Variants in AGXT2 observed in about 807,000 individuals in gnomAD.
AGXT2 encodes the protein alanine--glyoxylate aminotransferase 2, mitochondrial.
Under a neutral mutation model 62.5 loss-of-function variants are expected in AGXT2, and 61 were observed. The ratio of observed to expected loss-of-function variants is 0.98; its 90% CI spans 0.79 to 1.21. The LOEUF is 1.21. Ranked by LOEUF, AGXT2 falls within the 50% of genes most tolerant of loss-of-function variation. The pLI is 0.00. For synonymous variants in AGXT2, 243 were observed against 218.7 expected, an observed-to-expected ratio of 1.11 and a Z score of -0.98; for missense variants, 666 against 641.5, an observed-to-expected ratio of 1.04 and a Z score of -0.41.
At chr5:35,015,594 A>G (rs1305974774) in intron 9 of AGXT2, among the ~76,000 whole-genome samples, 1 of 152,126 alleles carries the variant, frequency 6.6e-6, no homozygotes, top group African/African-American at 2.4e-5. Context: ...TCATGCCTGT[A>G]ATCTCAGCAC....
chr5:35,003,209 C>T (rs935138663), intron 13 of AGXT2, among the ~76,000 whole-genome samples: 2 of 152,142 alleles, frequency 1.3e-5, no homozygotes, highest in African/African-American at 4.8e-5. Context: ...GACACTGGCT[C>T]TGGCTGATTT....
At chr5:35,028,616 AGAG>A (rs1767456109) in intron 7 of AGXT2, among the ~76,000 whole-genome samples, 1 of 40,882 alleles carries the variant, frequency 2.4e-5, no homozygotes, top group Non-Finnish European at 5.0e-5. Context: ...AGAGAGAGAG[AGAG>A]AAATTCTTCT....
intron 9 of AGXT2, among the ~76,000 whole-genome samples, chr5:35,015,849 C>CAAAAA (rs557021858): frequency 5.9e-4 from 41 of 69,482 alleles, no homozygotes; most frequent in African/African-American, 2.3e-3. Flanking sequence ...GACTCCATCT[C>CAAAAA]AAAAAAAAAA....
chr5:35,003,482 CCT>C (rs371759849), intron 13 of AGXT2, among the ~76,000 whole-genome samples: 15 of 152,276 alleles, frequency 9.9e-5, no homozygotes, highest in African/African-American at 2.4e-4. Context: ...CTTTGACCAT[CCT>C]CTGTCTGCCT....
At chr5:35,012,700 A>G (rs1323385572) in intron 11 of AGXT2, 12 of 478,832 alleles carry the variant, frequency 2.5e-5, no homozygotes, top group Admixed American at 1.0e-4. Flanking sequence ...TCAGCTGGCT[A>G]GGAAAATTCT....
At chr5:35,026,122 C>T (rs1580595069) in intron 8 of AGXT2, 3 of 593,602 alleles carry the variant, frequency 5.1e-6, no homozygotes, top group African/African-American at 1.9e-5. Context: ...AGAAAGAGTT[C>T]TTTGGACAAT....
chr5:35,040,339 ACTTT>A (rs1019539971), intron 2 of AGXT2, among the ~76,000 whole-genome samples: 2 of 152,142 alleles, frequency 1.3e-5, no homozygotes, highest in African/African-American at 4.8e-5. Flanking sequence ...TGCTTCTTGT[ACTTT>A]CTTTGCCTCT....
At chr5:35,017,032 A>G (rs1288494090) in intron 9 of AGXT2, among the ~76,000 whole-genome samples, 1 of 152,224 alleles carries the variant, frequency 6.6e-6, no homozygotes, top group African/African-American at 2.4e-5. Context: ...ACTTTAATCC[A>G]GATTCCACAT....
At position 34,998,614 on chromosome 5, in the gene AGXT2, T is replaced by A; in HGVS notation, c.*105A>T. On this transcript the variant is annotated 3_prime_UTR_variant, in exon 14 of 14. Transcript: ENST00000231420. ...GACTTTTACAGCTCCTGTGGAGAGC[T>A]GCAGGCTTTCTCTGGATACCAGTGG... The A allele has an allele frequency of 1.1e-6, 1 of 894,752 alleles. No individual in the cohort carries two copies. Among genetic ancestry groups the A allele is most frequent in the South Asian group, 1.4e-5 (1 of 71,264 alleles). 55.4% of individuals were successfully genotyped at this position (894,752 alleles called of 1,614,324 possible).
At chr5:35,012,589 A>G (rs1580577498) in intron 11 of AGXT2, 1 of 316,428 alleles carries the variant, frequency 3.2e-6, no homozygotes, top group East Asian at 7.9e-5. Context: ...TAGTACAACA[A>G]AAGGAAGGAA....
At chr5:35,006,307 G>A (rs980160703) in intron 12 of AGXT2, among the ~76,000 whole-genome samples, 3 of 152,268 alleles carry the variant, frequency 2.0e-5, no homozygotes, top group South Asian at 4.1e-4. Context: ...GGTATGTTAG[G>A]CCATTCTTGT....
intron 8 of AGXT2, 142 bp from the exon 9 acceptor site, chr5:35,025,997 T>G: frequency 1.3e-6 from 1 of 751,766 alleles, no homozygotes; most frequent in South Asian, 1.5e-5. Context: ...CAGTTTCCAC[T>G]GTGGGTGAAA....
intron 7 of AGXT2, 147 bp from the exon 8 acceptor site, chr5:35,026,657 G>T: frequency 2.1e-6 from 2 of 964,984 alleles, no homozygotes; most frequent in South Asian, 1.5e-5. Flanking sequence ...GTAAACTGGG[G>T]TGAGGATATG....
intron 1 of AGXT2, among the ~76,000 whole-genome samples, chr5:35,042,051 T>G (rs1470389429): frequency 6.6e-6 from 1 of 152,172 alleles, no homozygotes; most frequent in East Asian, 1.9e-4. Context: ...ATTCTGAGTG[T>G]CTCTAAGAAT....
chr5:35,001,268 C>T (rs1000433571), intron 13 of AGXT2, among the ~76,000 whole-genome samples: 1 of 152,200 alleles, frequency 6.6e-6, no homozygotes, highest in African/African-American at 2.4e-5. Flanking sequence ...CCACTCCAAA[C>T]CAACATGAGA....
intron 9 of AGXT2, among the ~76,000 whole-genome samples, chr5:35,021,954 C>G (rs1207379606): frequency 2.0e-5 from 3 of 152,166 alleles, no homozygotes; most frequent in African/African-American, 7.2e-5. Flanking sequence ...ATTTATGCAG[C>G]CAACAAACAC....
chr5:35,026,604 A>T (rs552852241), intron 7 of AGXT2, 94 bp from the exon 8 acceptor site: 5 of 1,207,110 alleles, frequency 4.1e-6, no homozygotes, highest in Non-Finnish European at 6.0e-6. Flanking sequence ...GAAAAAAAAA[A>T]AACAACCAGA....
intron 4 of AGXT2, among the ~76,000 whole-genome samples, 166 bp downstream of exon 4, chr5:35,036,776 G>A: frequency 6.6e-6 from 1 of 152,230 alleles, no homozygotes; most frequent in Non-Finnish European, 1.5e-5. Context: ...GTAGCTATCA[G>A]ATCACCACTA....
In AGXT2 at chr5:35,025,786, C is replaced by G; in HGVS notation, c.940G>C (p.Gly314Arg). 6.2e-7 allele frequency: 1 copy of G among 1,614,132 alleles called. No individual in the cohort carries two copies. Among genetic ancestry groups the G allele is most frequent in the Non-Finnish European group, 8.5e-7 (1 of 1,180,002 alleles). Residue 314 changes from glycine (G) to arginine (R), a missense_variant, in exon 9 of 14, where the codon GGA becomes CGA. Gly to Arg is a moderately radical substitution (Grantham distance 125). Coordinates refer to ENST00000231420, the MANE Select transcript of AGXT2 (RefSeq NM_031900.4). ...KEAFELVRAR[G>R]GVCIADEVQT... The stretch of plus-strand genomic sequence containing the variant: ...ACTTCATCTGCAATGCACACGCCTC[C>G]CCTTGCTCGCACCAGCTCAAAGGCT...
Sources: gnomAD v4.1 joint callset for allele counts (sites outside exome capture counted in the v4.1 genomes callset) on GRCh38, gnomAD v4.1.1 for gene constraint, MANE v1.5 for transcripts, NCBI Gene and HGNC (gene_info 2026-07-23, HGNC 2026-07-21) for gene names.